Variants in STARD13 observed in about 807,000 individuals in gnomAD.
STARD13 encodes the protein StAR related lipid transfer domain containing 13, also known as stAR-related lipid transfer protein 13.
Under a neutral mutation model 106.4 loss-of-function variants are expected in STARD13, and 62 were observed. The ratio of observed to expected loss-of-function variants is 0.58; its 90% CI spans 0.48 to 0.72. The LOEUF (loss-of-function observed/expected upper bound fraction) is 0.72. Among genes scored for constraint, STARD13 ranks in the 30% least tolerant of loss-of-function variants. The pLI is 0.00. For synonymous variants in STARD13, 565 were observed against 553.0 expected, an observed-to-expected ratio of 1.02 and a Z score of -0.31; for missense variants, 1,387 against 1,424.0, an observed-to-expected ratio of 0.97 and a Z score of 0.42.
chr13:33,233,240 T>C (rs1349533210), intron 1 of STARD13, among the ~76,000 whole-genome samples: 1 of 152,260 alleles, frequency 6.6e-6, no homozygotes, highest in Non-Finnish European at 1.5e-5. Context: ...TTTCCTCTGA[T>C]GGATCCCCAC....
intron 1 of STARD13, among the ~76,000 whole-genome samples, chr13:33,250,132 A>G (rs1890025552): frequency 6.6e-6 from 1 of 151,958 alleles, no homozygotes; most frequent in Non-Finnish European, 1.5e-5. Flanking sequence ...AGCTTTACAC[A>G]CCCTTATTTT....
chr13:33,123,190 C>T (rs76626680), intron 7 of STARD13, among the ~76,000 whole-genome samples: 11,143 of 151,678 alleles, frequency 0.073, 556 homozygotes, highest in East Asian at 0.25. Context: ...GACACTTGTA[C>T]TGAGTACTAA....
intron 1 of STARD13, among the ~76,000 whole-genome samples, chr13:33,290,792 C>T (rs544109257): frequency 3.9e-5 from 6 of 152,236 alleles, no homozygotes; most frequent in Non-Finnish European, 7.3e-5. Context: ...ACTACACCCA[C>T]GCACTCCAGC....
the STARD13 span, among the ~76,000 whole-genome samples, chr13:33,475,567 T>C: frequency 6.6e-6 from 1 of 152,206 alleles, no homozygotes; most frequent in Non-Finnish European, 1.5e-5. Context: ...TCTAGAGAGC[T>C]ACAAGAGCAT....
chr13:33,517,752 C>G, the STARD13 span, among the ~76,000 whole-genome samples: 2 of 152,282 alleles, frequency 1.3e-5, no homozygotes, highest in South Asian at 4.1e-4. Context: ...GCTGGACATA[C>G]TCTTGCAATT....
intron 3 of STARD13, among the ~76,000 whole-genome samples, chr13:33,150,463 T>C (rs1881128540): frequency 6.6e-6 from 1 of 152,222 alleles, no homozygotes. Context: ...CAGCCACACA[T>C]TAGTGAGCAG....
intron 1 of STARD13, among the ~76,000 whole-genome samples, chr13:33,247,132 G>A (rs1470267297): frequency 1.3e-5 from 2 of 152,088 alleles, no homozygotes; most frequent in Non-Finnish European, 2.9e-5. Context: ...TGGAGGCGGA[G>A]GTTGCAGTGA....
intron 1 of STARD13, among the ~76,000 whole-genome samples, chr13:33,334,329 G>T (rs1388288098): frequency 6.6e-6 from 1 of 152,176 alleles, no homozygotes; most frequent in Non-Finnish European, 1.5e-5. Context: ...GTGAGACAAG[G>T]ACCAGATTGA....
At chr13:33,414,260 A>G in the STARD13 span, among the ~76,000 whole-genome samples, 1 of 152,188 alleles carries the variant, frequency 6.6e-6, no homozygotes, top group African/African-American at 2.4e-5. Context: ...AATCTGGTAG[A>G]CACTTCAGAA....
At chr13:33,462,125 T>C in the STARD13 span, among the ~76,000 whole-genome samples, 2 of 152,202 alleles carry the variant, frequency 1.3e-5, no homozygotes, top group Non-Finnish European at 2.9e-5. Context: ...TCTCTACATA[T>C]ATTCGTTTAT....
At chr13:33,446,769 T>C in the STARD13 span, among the ~76,000 whole-genome samples, 1 of 152,206 alleles carries the variant, frequency 6.6e-6, no homozygotes, top group Admixed American at 6.5e-5. Context: ...ACTAGTTCAG[T>C]GAGTCTAAAA....
At chr13:33,444,260 G>A in the STARD13 span, among the ~76,000 whole-genome samples, 3 of 152,252 alleles carry the variant, frequency 2.0e-5, no homozygotes, top group South Asian at 6.2e-4. Context: ...CAGGTAAGTG[G>A]TCTATATTGG....
At chr13:33,626,832 TC>T in the STARD13 span, among the ~76,000 whole-genome samples, 2 of 152,364 alleles carry the variant, frequency 1.3e-5, no homozygotes, top group African/African-American at 4.8e-5. Context: ...GGCCCACCTG[TC>T]TGTGGGTCCA....
intron 1 of STARD13, among the ~76,000 whole-genome samples, chr13:33,179,412 G>A (rs1048602708): frequency 2.0e-5 from 3 of 152,162 alleles, no homozygotes; most frequent in African/African-American, 4.8e-5. Context: ...TTGCATTTCT[G>A]TAAAGTACCT....
At chr13:33,143,548 T>TTTTG (rs776967475) in intron 3 of STARD13, among the ~76,000 whole-genome samples, 8 of 151,930 alleles carry the variant, frequency 5.3e-5, no homozygotes, top group East Asian at 2.0e-4. Context: ...CAGTCGTTTC[T>TTTTG]TTTGTTTGTT....
At chr13:33,393,374 G>A in the STARD13 span, among the ~76,000 whole-genome samples, 3 of 152,284 alleles carry the variant, frequency 2.0e-5, no homozygotes, top group East Asian at 3.9e-4. Flanking sequence ...AGGCAGCAAC[G>A]TGATTACCAA....
intron 1 of STARD13, among the ~76,000 whole-genome samples, chr13:33,335,585 G>A (rs114396554): frequency 0.01 from 1,556 of 152,326 alleles, 35 homozygotes; most frequent in African/African-American, 0.036. Flanking sequence ...ACCTCTCCCA[G>A]CCTTGGAGGT....
At chr13:33,382,282 C>T in the STARD13 span, among the ~76,000 whole-genome samples, 2 of 152,148 alleles carry the variant, frequency 1.3e-5, no homozygotes, top group Non-Finnish European at 2.9e-5. Context: ...TGCCGAATCT[C>T]CCTGGCATCC....
the STARD13 span, among the ~76,000 whole-genome samples, chr13:33,480,670 T>C: frequency 6.6e-6 from 1 of 152,298 alleles, no homozygotes; most frequent in East Asian, 1.9e-4. Flanking sequence ...TCATGATTAT[T>C]TTGTTTTAAA....
Sources: gnomAD v4.1 joint callset for allele counts (sites outside exome capture counted in the v4.1 genomes callset) on GRCh38, gnomAD v4.1.1 for gene constraint, MANE v1.5 for transcripts, NCBI Gene and HGNC (gene_info 2026-07-23, HGNC 2026-07-21) for gene names.